The following DZIP3 variants were observed in gnomAD, a reference collection of about 807,000 sequenced individuals.
The protein encoded by DZIP3 is E3 ubiquitin-protein ligase DZIP3.
In DZIP3, 118 loss-of-function variants were observed where a neutral mutation model predicts 162.0. The ratio of observed to expected loss-of-function variants is 0.73; its 90% CI spans 0.63 to 0.85. The LOEUF is 0.85. DZIP3 is among the 40% of genes least tolerant of loss of function. DZIP3 has a pLI of 0.00. For synonymous variants in DZIP3, 438 were observed against 458.6 expected, an observed-to-expected ratio of 0.96 and a Z score of 0.57; for missense variants, 1,331 against 1,407.0, an observed-to-expected ratio of 0.95 and a Z score of 0.86.
chr3:108,671,689 C>T (rs768659414), intron 22 of DZIP3, among the ~76,000 whole-genome samples: 15 of 151,818 alleles, frequency 9.9e-5, no homozygotes, highest in Non-Finnish European at 1.9e-4. Flanking sequence ...CATTGGGATA[C>T]AAAAAAGCTT....
chr3:108,690,380 C>T (rs1302046294), intron 31 of DZIP3, among the ~76,000 whole-genome samples: 1 of 152,170 alleles, frequency 6.6e-6, no homozygotes, highest in African/African-American at 2.4e-5. Flanking sequence ...GGGATTTTAA[C>T]TGCAAACACC....
chr3:108,595,409 G>T (rs1007062976), intron 1 of DZIP3, among the ~76,000 whole-genome samples: 2 of 151,902 alleles, frequency 1.3e-5, no homozygotes, highest in Admixed American at 6.6e-5. Flanking sequence ...TTAGAGACAG[G>T]GTCTTGCTAT....
chr3:108,664,369 A>G (rs1268997757), intron 21 of DZIP3, among the ~76,000 whole-genome samples: 5 of 152,206 alleles, frequency 3.3e-5, no homozygotes, highest in Non-Finnish European at 5.9e-5. Flanking sequence ...CCTACCTAAC[A>G]TAAGTAAGTA....
At chr3:108,641,259 C>T (rs551660769) in intron 12 of DZIP3, among the ~76,000 whole-genome samples, 2 of 152,088 alleles carry the variant, frequency 1.3e-5, no homozygotes, top group South Asian at 4.1e-4. Context: ...TTATAAATTA[C>T]ATAATATATT....
chr3:108,674,362 T>C (rs1944027366), intron 24 of DZIP3, among the ~76,000 whole-genome samples, 181 bp downstream of exon 24: 2 of 151,838 alleles, frequency 1.3e-5, no homozygotes, highest in South Asian at 4.1e-4. Flanking sequence ...TACCAGAAGC[T>C]CTTGTTGTTG....
At chr3:108,676,555 A>G (rs1944117088) in intron 25 of DZIP3, among the ~76,000 whole-genome samples, 1 of 152,082 alleles carries the variant, frequency 6.6e-6, no homozygotes, top group South Asian at 2.1e-4. Flanking sequence ...TTTTATATTT[A>G]TATACTAAGG....
intron 12 of DZIP3, among the ~76,000 whole-genome samples, chr3:108,639,347 G>A (rs1176327987): frequency 6.6e-6 from 1 of 152,120 alleles, no homozygotes; most frequent in African/African-American, 2.4e-5. Context: ...TCCCCAATGG[G>A]CAATGTTACT....
Position 108,648,940 on chromosome 3 carries a change from A to G in DZIP3, c.1985A>G (p.Lys662Arg), listed in dbSNP as rs775714511. Residue 662 changes from lysine to arginine, a missense_variant, in exon 17 of 33, where the codon AAG (lysine) becomes AGG (arginine). Around this residue, in one of 2 missense-constraint regions of DZIP3, gnomAD observed 1,278 missense variants for 1,317.1 expected, o/e 0.97. Transcript: ENST00000361582. ...TAGGTTAAGAGTAAACAAAGGAAAAAGAAGAAGACTAAGAATAAAAAGGTA... is the reference window on the plus strand; with the variant it reads ...TAGGTTAAGAGTAAACAAAGGAAAAGGAAGAAGACTAAGAATAAAAAGGTA... ...LQEVKSKQRK[K>R]KKTKNKKNKD... The G allele has an allele frequency of 2.6e-6, 3 of 1,166,810 alleles. No individual in the cohort carries two copies. Among genetic ancestry groups the G allele is most frequent in the Non-Finnish European group, 3.4e-6 (3 of 879,566 alleles). 72.3% of individuals were successfully genotyped at this position (1,166,810 alleles called of 1,614,324 possible).
At chr3:108,687,677 T>C (rs911396530) in intron 28 of DZIP3, among the ~76,000 whole-genome samples, 5 of 152,196 alleles carry the variant, frequency 3.3e-5, no homozygotes, top group Non-Finnish European at 7.4e-5. Flanking sequence ...ATAAACTTAA[T>C]TTTCACCTAG....
chr3:108,679,855 A>G (rs917456902), intron 26 of DZIP3, among the ~76,000 whole-genome samples: 8 of 152,136 alleles, frequency 5.3e-5, no homozygotes, highest in South Asian at 2.1e-4. Context: ...AGAGACTTCT[A>G]TGAAAGTGTG....
At position 108,688,904 on chromosome 3, in the gene DZIP3, G is replaced by A. The variant is rs370870451; in HGVS notation, c.3496G>A (p.Ala1166Thr). The A allele has an allele frequency of 2.0e-5, 32 of 1,613,926 alleles. No homozygotes were observed. Among genetic ancestry groups the A allele is most frequent in the East Asian group, 6.7e-5 (3 of 44,878 alleles). Residue 1166 changes from alanine to threonine, a missense_variant, in exon 31 of 33, where the codon GCT (alanine) becomes ACT (threonine). Coordinates refer to ENST00000361582, the MANE Select transcript of DZIP3 (RefSeq NM_014648.4). The part of the protein sequence containing the change: ...SPENLSVLPC[A>T]HKFHAQCIRP... ...AGAAAATCTTTCAGTTTTGCCTTGC[G>A]CTCACAAATTCCATGCTCAGGTAAC...
chr3:108,635,361 C>A, intron 10 of DZIP3: 1 of 310,502 alleles, frequency 3.2e-6, no homozygotes, highest in Non-Finnish European at 6.3e-6. Flanking sequence ...GATAATTATA[C>A]AGTTTTAAGG....
chr3:108,598,221 A>G (rs1004424101), intron 1 of DZIP3, among the ~76,000 whole-genome samples: 6 of 152,340 alleles, frequency 3.9e-5, no homozygotes, highest in East Asian at 1.9e-4. Context: ...GTAATGGGAC[A>G]TGGAAGAAAA....
At chr3:108,597,458 A>G (rs1275229306) in intron 1 of DZIP3, among the ~76,000 whole-genome samples, 1 of 152,056 alleles carries the variant, frequency 6.6e-6, no homozygotes, top group African/African-American at 2.4e-5. Flanking sequence ...AAGTATAAGT[A>G]GAGTGTAAGT....
intron 4 of DZIP3, among the ~76,000 whole-genome samples, chr3:108,612,531 C>T (rs1224037674): frequency 6.6e-6 from 1 of 152,022 alleles, no homozygotes; most frequent in Non-Finnish European, 1.5e-5. Flanking sequence ...AAGAATAGTA[C>T]AGTCATCTTT....
intron 14 of DZIP3, among the ~76,000 whole-genome samples, chr3:108,646,319 C>T (rs372882572): frequency 6.6e-6 from 1 of 152,130 alleles, no homozygotes; most frequent in African/African-American, 2.4e-5. Flanking sequence ...ATTTCATGGC[C>T]TTAGATGGTA....
At position 108,662,191 on chromosome 3, in the gene DZIP3, AAAAG is replaced by A. The variant is rs1943471037; in HGVS notation, c.2363_2366del (p.Lys788ThrfsTer41). The A allele has an allele frequency of 2.5e-6, 4 of 1,609,972 alleles. No individual in the cohort carries two copies. The highest frequency in any genetic ancestry group is 1.1e-5 in the South Asian group (1 of 89,770). On this transcript the variant is annotated frameshift_variant, in exon 21 of 33. Coordinates refer to ENST00000361582, the MANE Select transcript of DZIP3 (RefSeq NM_014648.4). LOFTEE classifies it high-confidence loss of function. The stretch of plus-strand genomic sequence containing the variant: ...TGGCAAGAAAACCAAATGCAGATTA[AAAAG>A]AAAGACAAAATTATCGCATCTCTTA...
At chr3:108,604,374 T>G (rs913058581) in intron 1 of DZIP3, among the ~76,000 whole-genome samples, 1 of 152,176 alleles carries the variant, frequency 6.6e-6, no homozygotes, top group Non-Finnish European at 1.5e-5. Context: ...TATATATAAT[T>G]TAACACTTTC....
At chr3:108,631,055 A>ACACACTCTCTCTCTCTCTCTCT in intron 8 of DZIP3, among the ~76,000 whole-genome samples, 23 of 18,002 alleles carry the variant, frequency 1.3e-3, no homozygotes, top group African/African-American at 1.7e-3. Flanking sequence ...ACACACACAC[A>ACACACTCTCTCTCTCTCTCTCT]CTCTCTCTCT....
Sources: gnomAD v4.1 joint callset for allele counts (sites outside exome capture counted in the v4.1 genomes callset) on GRCh38, gnomAD v4.1.1 for gene constraint, gnomAD v4.1.1 regional missense constraint, MANE v1.5 for transcripts, NCBI Gene and HGNC (gene_info 2026-07-23, HGNC 2026-07-21) for gene names.